The following KDM5A variants were observed in gnomAD, a reference collection of about 807,000 sequenced individuals.
KDM5A encodes the protein lysine demethylase 5A.
A neutral mutation model predicts 193.5 loss-of-function variants in KDM5A; 42 were observed. The observed-to-expected ratio is 0.22, with a 90% confidence interval of 0.17 to 0.28. The LOEUF is 0.28. Ranked by LOEUF, KDM5A falls within the 10% of genes least tolerant of loss-of-function variation. The pLI, the probability that KDM5A is intolerant of heterozygous loss-of-function variation, is 1.00. For synonymous variants in KDM5A, 796 were observed against 718.1 expected, an observed-to-expected ratio of 1.11 and a Z score of -1.73; for missense variants, 1,692 against 2,055.1, an observed-to-expected ratio of 0.82 and a Z score of 3.42.
chr12:298,581 G>A lies in KDM5A; in HGVS notation c.4075-1381C>T, dbSNP rs545418037. Among the ~76,000 whole-genome samples, 109 of 152,260 alleles carry A rather than the reference G, an allele frequency of 7.2e-4. 1 individual carries two copies. Among genetic ancestry groups the A allele is most frequent in the Admixed American group, 1.2e-3 (18 of 15,298 alleles). ...AAAGACCAAAGGTAGATAAATCCAC[G>A]AAGATGGGGAGAAACCAGTACAAAA... On this transcript the variant is annotated intron_variant, in intron 24 of 27. Transcript: ENST00000399788.
intron 3 of KDM5A, 44 bp downstream of exon 3, chr12:383,987 T>C: frequency 6.3e-7 from 1 of 1,599,184 alleles, no homozygotes; most frequent in Non-Finnish European, 8.6e-7. Context: ...TATTCCTAAA[T>C]TCACAAGCCT....
In KDM5A at chr12:389,292, A is replaced by G; in HGVS notation, c.-201T>C. 2.8e-6 allele frequency: 2 copies of G among 702,246 alleles called. No homozygotes were observed. The highest frequency in any genetic ancestry group is 5.1e-6 in the Non-Finnish European group (2 of 388,406). 43.5% of individuals were successfully genotyped at this position (702,246 alleles called of 1,614,324 possible). A position where few individuals can be genotyped will look rare whatever the true frequency, so the allele number is the denominator to read the frequency against. Reference sequence around the variant, plus strand: ...TTGCAAGGCTTTTCCACTGAGGTTCAGGACTTTTCCGGAAGTTACCGTGCT... The same window carrying G: ...TTGCAAGGCTTTTCCACTGAGGTTCGGGACTTTTCCGGAAGTTACCGTGCT... On this transcript the variant is annotated 5_prime_UTR_variant, in exon 1 of 28. Transcript: ENST00000399788.
chr12:353,242 A>T (rs1565543525), intron 8 of KDM5A, among the ~76,000 whole-genome samples: 1 of 152,084 alleles, frequency 6.6e-6, no homozygotes, highest in Admixed American at 6.6e-5. Context: ...AGCTGGGAGT[A>T]TCACCTGAGC....
At chr12:354,032 ATTATT>A (rs748859695) in intron 8 of KDM5A, 39 bp downstream of exon 8, 3 of 1,474,308 alleles carry the variant, frequency 2.0e-6, no homozygotes, top group East Asian at 4.5e-5. Flanking sequence ...TGCATGTATT[ATTATT>A]TTTAGTTAAA....
At chr12:321,134 T>G in intron 17 of KDM5A, 25 bp from the exon 18 acceptor site, 1 of 1,528,248 alleles carries the variant, frequency 6.5e-7, no homozygotes, top group Non-Finnish European at 9.1e-7. Context: ...TATTGAGATA[T>G]AAGTAAGAAA....
At chr12:387,767 A>G (rs1331354810) in intron 1 of KDM5A, among the ~76,000 whole-genome samples, 5 of 152,186 alleles carry the variant, frequency 3.3e-5, no homozygotes, top group African/African-American at 1.2e-4. Context: ...TCAAAGATTA[A>G]AGCAAACAAT....
chr12:311,288 T>C (rs1943583430), intron 20 of KDM5A: 3 of 548,400 alleles, frequency 5.5e-6, no homozygotes, highest in Non-Finnish European at 9.7e-6. Flanking sequence ...ATTTATTAAT[T>C]GAGAGTACCA....
chr12:295,295 GAA>G (rs752961083), intron 26 of KDM5A, among the ~76,000 whole-genome samples: 1 of 145,786 alleles, frequency 6.9e-6, no homozygotes, highest in African/African-American at 2.5e-5. Flanking sequence ...GAAGAAAAAA[GAA>G]AAAGAAAGGA....
chr12:375,193 C>T (rs1944486970), intron 3 of KDM5A, among the ~76,000 whole-genome samples: 1 of 152,168 alleles, frequency 6.6e-6, no homozygotes, highest in South Asian at 2.1e-4. Flanking sequence ...TTCCATTCTC[C>T]CCATCACTTT....
chr12:341,797 G>A (rs376597787), intron 10 of KDM5A, among the ~76,000 whole-genome samples: 31 of 152,036 alleles, frequency 2.0e-4, no homozygotes, highest in African/African-American at 7.2e-4. Context: ...CTACTCAGGA[G>A]ACTGGGGTAG....
In KDM5A at chr12:309,350, T is replaced by C. The variant is rs543683185; in HGVS notation, c.3378+453A>G. Among the ~76,000 whole-genome samples the C allele has an allele frequency of 9.8e-5, 15 of 152,348 alleles. No individual in the cohort carries two copies. In the South Asian group the frequency reaches 2.9e-3, roughly 29 times the overall value. ...TTTTCTCAGTGTTTAATATCAGAAG[T>C]GTTTGGGGTCTTTATTTTAAAAGTC... is the stretch of plus-strand genomic sequence containing the variant. On this transcript the variant is annotated intron_variant, in intron 22 of 27. Coordinates refer to ENST00000399788, the MANE Select transcript of KDM5A (RefSeq NM_001042603.3).
intron 14 of KDM5A, among the ~76,000 whole-genome samples, chr12:328,031 A>G (rs1230584471): frequency 1.3e-5 from 2 of 152,186 alleles, no homozygotes; most frequent in East Asian, 3.8e-4. Flanking sequence ...GGTGGTACAG[A>G]GCAAGAAGGA....
chr12:374,363 T>C (rs888380973), intron 3 of KDM5A, among the ~76,000 whole-genome samples: 5 of 152,186 alleles, frequency 3.3e-5, no homozygotes, highest in African/African-American at 4.8e-5. Context: ...TTTGTTGGTT[T>C]AAAATCTGTT....
chr12:306,860 C>T (rs1591904609), intron 24 of KDM5A, 86 bp downstream of exon 24: 2 of 1,331,406 alleles, frequency 1.5e-6, no homozygotes, highest in South Asian at 1.2e-5. Flanking sequence ...TTTCAGGCCT[C>T]AAACATCACT....
intron 22 of KDM5A, among the ~76,000 whole-genome samples, chr12:308,762 AC>A (rs1442864416): frequency 6.6e-6 from 1 of 152,232 alleles, no homozygotes; most frequent in Non-Finnish European, 1.5e-5. Flanking sequence ...GAATATTTTC[AC>A]TGGCTTCAAA....
intron 11 of KDM5A, 25 bp downstream of exon 11, chr12:334,216 A>G (rs1355878900): frequency 1.2e-6 from 2 of 1,600,612 alleles, no homozygotes; most frequent in African/African-American, 1.3e-5. Context: ...GAGTTCATGC[A>G]TGCTGTATTT....
intron 11 of KDM5A, among the ~76,000 whole-genome samples, chr12:334,009 T>C (rs1482501653): frequency 2.6e-5 from 4 of 152,208 alleles, no homozygotes; most frequent in African/African-American, 4.8e-5. Context: ...ATGTGAATAA[T>C]GGACATTTCA....
intron 2 of KDM5A, 50 bp from the exon 3 acceptor site, chr12:384,203 G>A (rs1197194935): frequency 7.1e-7 from 1 of 1,413,924 alleles, no homozygotes; most frequent in Non-Finnish European, 1.0e-6. Context: ...AAATGAATAA[G>A]AATAACAGAG....
At chr12:299,814 C>A (rs553028980) in intron 24 of KDM5A, among the ~76,000 whole-genome samples, 62 of 152,012 alleles carry the variant, frequency 4.1e-4, no homozygotes, top group African/African-American at 1.4e-3. Context: ...CTCACAAAGA[C>A]GCACATAGGC....
Sources: gnomAD v4.1 joint callset for allele counts (sites outside exome capture counted in the v4.1 genomes callset) on GRCh38, gnomAD v4.1.1 for gene constraint, MANE v1.5 for transcripts, NCBI Gene and HGNC (gene_info 2026-07-23, HGNC 2026-07-21) for gene names.